Variants in CARMIL1 observed in about 807,000 individuals in gnomAD.
CARMIL1 encodes the protein capping protein regulator and myosin 1 linker 1.
In CARMIL1, 90 loss-of-function variants were observed where a neutral mutation model predicts 177.1. The observed-to-expected ratio is 0.51, with a 90% CI of 0.43 to 0.61. CARMIL1 has a LOEUF of 0.61. CARMIL1 is among the 20% of genes least tolerant of loss of function. The probability of loss-of-function intolerance (pLI) is 0.00; values close to 1 mark genes in which losing one functional copy is unlikely to be tolerated. For missense variants in CARMIL1, 1,380 were observed against 1,667.0 expected (o/e 0.83, Z 3.00); for synonymous variants, 577 against 606.2 (o/e 0.95, Z 0.71).
intron 23 of CARMIL1, among the ~76,000 whole-genome samples, chr6:25,528,363 C>T (rs1807379295): frequency 6.6e-6 from 1 of 152,164 alleles, no homozygotes; most frequent in Admixed American, 6.5e-5. Flanking sequence ...CATTCTACAG[C>T]TGGAATAAGG....
intron 2 of CARMIL1, among the ~76,000 whole-genome samples, chr6:25,320,571 G>T (rs73396128): frequency 0.011 from 1,748 of 152,274 alleles, 33 homozygotes; most frequent in African/African-American, 0.04. Flanking sequence ...CCTAACAAAT[G>T]GTGTGGTTTG....
chr6:25,498,421 A>C (rs1198253989), intron 16 of CARMIL1, among the ~76,000 whole-genome samples: 1 of 152,160 alleles, frequency 6.6e-6, no homozygotes, highest in East Asian at 1.9e-4. Flanking sequence ...TTATTTTACT[A>C]GGGACAGTTT....
intron 2 of CARMIL1, among the ~76,000 whole-genome samples, chr6:25,342,746 A>C (rs1294341199): frequency 1.3e-5 from 2 of 152,104 alleles, no homozygotes; most frequent in Non-Finnish European, 2.9e-5. Flanking sequence ...CTCTATATTT[A>C]AATACTTTAT....
chr6:25,507,770 A>G (rs906948246), intron 17 of CARMIL1, among the ~76,000 whole-genome samples: 3 of 152,172 alleles, frequency 2.0e-5, no homozygotes. Flanking sequence ...TAACGCATTT[A>G]CGTTTATCTT....
chr6:25,330,346 A>G (rs1382031883), intron 2 of CARMIL1, among the ~76,000 whole-genome samples: 2 of 152,190 alleles, frequency 1.3e-5, no homozygotes, highest in African/African-American at 4.8e-5. Context: ...GTGAAGTTCA[A>G]TTTAAGGAAC....
At position 25,554,603 on chromosome 6, in the gene CARMIL1, A is replaced by G. The variant is rs148926160; in HGVS notation, c.2592+507A>G. 3.1e-3 allele frequency among the ~76,000 whole-genome samples: 477 copies of G among 152,282 alleles called. 1 individual carries two copies. The highest frequency in any genetic ancestry group is 0.011 in the African/African-American group (441 of 41,564). On this transcript the variant is annotated intron_variant, in intron 28 of 36. Coordinates refer to ENST00000329474, the MANE Select transcript of CARMIL1 (RefSeq NM_017640.6). This position sits in a 1 kb window ranked among gnomAD's most constrained non-coding sequence, Gnocchi z 4.6. ...GTAAAAAAAAAATTTCTTCATCTAG[A>G]GACTGGTTCTGCCTCAAGGTAGGGG...
chr6:25,373,718 G>A (rs746347782), intron 2 of CARMIL1, among the ~76,000 whole-genome samples: 1 of 152,004 alleles, frequency 6.6e-6, no homozygotes. Context: ...GAGTAGCTGG[G>A]ATTACAGGCA....
rs1216504418 is a variant in CARMIL1 at position 25,609,754 on chromosome 6, AACATATGGTTC to A, written c.3848-290_3848-280del. 2.6e-5 allele frequency among the ~76,000 whole-genome samples: 4 copies of A among 152,228 alleles called. No individual in the cohort carries two copies. In the East Asian group the frequency reaches 7.7e-4, roughly 29 times the overall value. On this transcript the variant is annotated intron_variant, in intron 35 of 36. Coordinates refer to ENST00000329474, the MANE Select transcript of CARMIL1 (RefSeq NM_017640.6). ...CAGCCTTTGTGTTTAAGTCAGAAGG[AACATATGGTTC>A]ACATACAGTCTAATTTTCAAATAGC...
At chr6:25,382,119 A>G (rs947112705) in intron 2 of CARMIL1, among the ~76,000 whole-genome samples, 5 of 152,128 alleles carry the variant, frequency 3.3e-5, no homozygotes, top group Non-Finnish European at 7.4e-5. Context: ...TTTTTTTAAG[A>G]CAGAGTCTCA....
intron 2 of CARMIL1, among the ~76,000 whole-genome samples, chr6:25,295,326 C>G (rs1052595468): frequency 6.6e-6 from 1 of 152,138 alleles, no homozygotes; most frequent in Non-Finnish European, 1.5e-5. Context: ...AAGCATGATA[C>G]TCCATTTACC....
In CARMIL1 at chr6:25,408,554, T is replaced by C. The variant is rs371422720; in HGVS notation, c.139-11560T>C. Among the ~76,000 whole-genome samples the C allele has an allele frequency of 3.9e-5, 6 of 152,326 alleles. No homozygotes were observed. The East Asian group carries it at 1.2e-3, about 29-fold the overall frequency. On this transcript the variant is annotated intron_variant, in intron 2 of 36. Coordinates refer to ENST00000329474, the MANE Select transcript of CARMIL1 (RefSeq NM_017640.6). Reference sequence around the variant, plus strand: ...CCTTATGACAACCTCCAGTGAGGTATATATTGTGATCCCATATTTTACAGA... The same window carrying C: ...CCTTATGACAACCTCCAGTGAGGTACATATTGTGATCCCATATTTTACAGA...
chr6:25,471,369 C>A, intron 10 of CARMIL1, 112 bp downstream of exon 10: 1 of 619,882 alleles, frequency 1.6e-6, no homozygotes, highest in Non-Finnish European at 2.6e-6. Context: ...ACATATACAG[C>A]AATGTTTTTC....
intron 2 of CARMIL1, among the ~76,000 whole-genome samples, chr6:25,301,530 C>T (rs146445598): frequency 6.4e-4 from 98 of 152,280 alleles, no homozygotes; most frequent in Admixed American, 1.8e-3. Context: ...TCATCATTAA[C>T]TGAGGCAATT....
chr6:25,488,266 C>G (rs1802864677), intron 12 of CARMIL1, among the ~76,000 whole-genome samples: 1 of 152,110 alleles, frequency 6.6e-6, no homozygotes, highest in Admixed American at 6.6e-5. Context: ...TTCATTACTC[C>G]TTCTGATTCA....
At chr6:25,399,321 G>A (rs1181005651) in intron 2 of CARMIL1, among the ~76,000 whole-genome samples, 1 of 152,232 alleles carries the variant, frequency 6.6e-6, no homozygotes, top group African/African-American at 2.4e-5. Context: ...GAATGTGGTT[G>A]TCTACCTGCC....
chr6:25,335,490 G>A (rs1007383602), intron 2 of CARMIL1, among the ~76,000 whole-genome samples: 1 of 152,170 alleles, frequency 6.6e-6, no homozygotes, highest in Non-Finnish European at 1.5e-5. Flanking sequence ...GTGTATAGTT[G>A]TACTGTTTTT....
At chr6:25,520,359 A>G (rs1256348042) in intron 23 of CARMIL1, 22 bp downstream of exon 23, 17 of 1,221,850 alleles carry the variant, frequency 1.4e-5, no homozygotes, top group Non-Finnish European at 2.0e-5. Context: ...TCAGTAGCTT[A>G]ATTACAAGAA....
chr6:25,405,879 A>G (rs903066102), intron 2 of CARMIL1, among the ~76,000 whole-genome samples: 1 of 152,198 alleles, frequency 6.6e-6, no homozygotes, highest in Non-Finnish European at 1.5e-5. Flanking sequence ...GGACAGAATT[A>G]TTATCAGATT....
intron 29 of CARMIL1, among the ~76,000 whole-genome samples, chr6:25,557,390 A>T (rs1192005708): frequency 6.6e-6 from 1 of 152,172 alleles, no homozygotes; most frequent in African/African-American, 2.4e-5. Flanking sequence ...TCTAAATTTC[A>T]TGTAGCATAT....
Sources: gnomAD v4.1 joint callset for allele counts (sites outside exome capture counted in the v4.1 genomes callset) on GRCh38, gnomAD v4.1.1 for gene constraint, Gnocchi (gnomAD v3.1) non-coding constraint, MANE v1.5 for transcripts, NCBI Gene and HGNC (gene_info 2026-07-23, HGNC 2026-07-21) for gene names.